The following CNTNAP2 variants were observed in gnomAD, a reference collection of about 807,000 sequenced individuals.
CNTNAP2 encodes the protein contactin associated protein 2.
Under a neutral mutation model 155.2 loss-of-function variants are expected in CNTNAP2, and 98 were observed. That is an observed-to-expected ratio of 0.63 (90% CI 0.54 to 0.75). The LOEUF (loss-of-function observed/expected upper bound fraction) is 0.75, where lower values mean the gene tolerates loss of function less well. Among genes scored for constraint, CNTNAP2 ranks in the 30% least tolerant of loss-of-function variants. CNTNAP2 has a pLI of 0.00. For missense variants in CNTNAP2, 1,727 were observed against 1,688.1 expected, an observed-to-expected ratio of 1.02 and a Z score of -0.40; for synonymous variants, 651 against 631.2, an observed-to-expected ratio of 1.03 and a Z score of -0.47.
intron 10 of CNTNAP2, among the ~76,000 whole-genome samples, chr7:147,438,229 T>C (rs1797583697): frequency 6.6e-6 from 1 of 152,108 alleles, no homozygotes; most frequent in South Asian, 2.1e-4. Flanking sequence ...CCCCATTCAA[T>C]ATGATGCTAG....
rs377297305 is a variant in CNTNAP2, at chr7:146,825,996, A to G, written c.209-13715A>G. Among the ~76,000 whole-genome samples the G allele has an allele frequency of 2.8e-4, 43 of 152,250 alleles. 1 individual carries two copies. Among genetic ancestry groups the G allele is most frequent in the African/African-American group, 1.0e-3 (43 of 41,560 alleles). ...GTTTAATAATAGATTTTGTTAATGCACAGATAATAAGTACATTTCTTTTTT... is the reference window on the plus strand; with the variant it reads ...GTTTAATAATAGATTTTGTTAATGCGCAGATAATAAGTACATTTCTTTTTT... On this transcript the variant is annotated intron_variant, in intron 2 of 23. Coordinates refer to ENST00000361727, the MANE Select transcript of CNTNAP2 (RefSeq NM_014141.6).
chr7:146,913,056 C>G (rs995917797), intron 3 of CNTNAP2, among the ~76,000 whole-genome samples: 3 of 152,022 alleles, frequency 2.0e-5, no homozygotes, highest in Non-Finnish European at 4.4e-5. Context: ...TTTCATAAGA[C>G]AAGTTTAAGT....
intron 1 of CNTNAP2, among the ~76,000 whole-genome samples, chr7:146,516,250 T>C (rs1170958510): frequency 6.6e-6 from 1 of 152,046 alleles, no homozygotes; most frequent in African/African-American, 2.4e-5. Flanking sequence ...AAGCACATGG[T>C]GCCAGATTGA....
chr7:146,163,500 T>C (rs547036579), intron 1 of CNTNAP2, among the ~76,000 whole-genome samples: 102 of 42,830 alleles, frequency 2.4e-3, no homozygotes, highest in Non-Finnish European at 3.7e-3. Context: ...TATCTATATC[T>C]ATATATCTAT....
At chr7:146,127,182 T>TA (rs1402893013) in intron 1 of CNTNAP2, among the ~76,000 whole-genome samples, 1 of 152,224 alleles carries the variant, frequency 6.6e-6, no homozygotes, top group Non-Finnish European at 1.5e-5. Context: ...TATACCTTGT[T>TA]ACATTTTGTC....
At chr7:146,249,762 G>A (rs1273579319) in intron 1 of CNTNAP2, among the ~76,000 whole-genome samples, 1 of 151,970 alleles carries the variant, frequency 6.6e-6, no homozygotes, top group Admixed American at 6.6e-5. Flanking sequence ...TTATTTCAAA[G>A]CCTTTTGAGA....
At chr7:147,505,701 C>T (rs1798894688) in intron 11 of CNTNAP2, among the ~76,000 whole-genome samples, 2 of 152,338 alleles carry the variant, frequency 1.3e-5, no homozygotes, top group African/African-American at 4.8e-5. Flanking sequence ...AACAAATGGC[C>T]TTAAACGCTG....
chr7:146,970,767 T>A (rs1042842116), intron 3 of CNTNAP2, among the ~76,000 whole-genome samples: 4 of 152,282 alleles, frequency 2.6e-5, no homozygotes, highest in African/African-American at 9.6e-5. Flanking sequence ...CACACGTATG[T>A]TTATTGCGGC....
chr7:147,851,113 A>G (rs1312240810), intron 13 of CNTNAP2, among the ~76,000 whole-genome samples: 5 of 152,250 alleles, frequency 3.3e-5, no homozygotes, highest in Admixed American at 1.3e-4. Context: ...TGGGCGAAGG[A>G]CATGAACAGA....
chr7:148,330,790 AATGG>A (rs138812754), intron 21 of CNTNAP2, among the ~76,000 whole-genome samples: 59 of 132,182 alleles, frequency 4.5e-4, no homozygotes, highest in Non-Finnish European at 7.7e-4. Context: ...TGATGGATGG[AATGG>A]ATGGATGGAT....
At chr7:147,314,407 A>AGAGTCTTGCT (rs1264327990) in intron 9 of CNTNAP2, among the ~76,000 whole-genome samples, 3 of 151,702 alleles carry the variant, frequency 2.0e-5, no homozygotes, top group Non-Finnish European at 3.0e-5. Context: ...TATCTCATTC[A>AGAGTCTTGCT]CTGAAGTTAA....
chr7:146,863,703 A>C (rs890146016), intron 3 of CNTNAP2, among the ~76,000 whole-genome samples: 13 of 152,130 alleles, frequency 8.5e-5, no homozygotes, highest in African/African-American at 3.1e-4. Flanking sequence ...AGAATCAAAG[A>C]AGCTTTTCTG....
chr7:148,334,883 CATG>C (rs1798091175), intron 21 of CNTNAP2, among the ~76,000 whole-genome samples: 2 of 152,318 alleles, frequency 1.3e-5, no homozygotes, highest in Admixed American at 1.3e-4. Flanking sequence ...AACCTACTTT[CATG>C]ATATCAAGAC....
chr7:147,446,626 C>T (rs1797745338), intron 10 of CNTNAP2, among the ~76,000 whole-genome samples: 2 of 152,106 alleles, frequency 1.3e-5, no homozygotes, highest in African/African-American at 4.8e-5. Flanking sequence ...ACAACTTTTC[C>T]CAAGAACACC....
chr7:147,808,755 T>C (rs1227998092), intron 13 of CNTNAP2, among the ~76,000 whole-genome samples: 1 of 152,232 alleles, frequency 6.6e-6, no homozygotes, highest in Non-Finnish European at 1.5e-5. Flanking sequence ...CTGACTTCTA[T>C]AAAGTCCTTA....
chr7:147,835,606 A>T (rs1442761857), intron 13 of CNTNAP2, among the ~76,000 whole-genome samples: 1 of 152,236 alleles, frequency 6.6e-6, no homozygotes, highest in African/African-American at 2.4e-5. Context: ...AATCAACATT[A>T]CTGTAGTGAC....
chr7:148,147,765 C>T, intron 17 of CNTNAP2, 56 bp downstream of exon 17: 9 of 1,257,862 alleles, frequency 7.2e-6, no homozygotes, highest in Non-Finnish European at 9.7e-6. Flanking sequence ...AGAGCCTGCA[C>T]AATACAAAAA....
At position 148,071,384 on chromosome 7, in the gene CNTNAP2, G is replaced by C. The variant is rs1803379076; in HGVS notation, c.2384-46734G>C. On this transcript the variant is annotated intron_variant, in intron 15 of 23. Coordinates refer to ENST00000361727, the MANE Select transcript of CNTNAP2 (RefSeq NM_014141.6). The stretch of plus-strand genomic sequence containing the variant: ...AATCCCAGCTACTCTGGAGGCTGAG[G>C]CAGGGGAATTGCTTGAACCAGGAGG... 5.3e-5 allele frequency among the ~76,000 whole-genome samples: 8 copies of C among 152,330 alleles called. No homozygotes were observed. In the South Asian group the frequency reaches 1.7e-3, roughly 32 times the overall value.
At chr7:147,603,691 T>A (rs1363979682) in intron 12 of CNTNAP2, among the ~76,000 whole-genome samples, 2 of 152,088 alleles carry the variant, frequency 1.3e-5, no homozygotes, top group Non-Finnish European at 2.9e-5. Flanking sequence ...AAGCTACCAA[T>A]GACTTTCTTC....
Sources: allele counts gnomAD v4.1 joint callset (sites outside exome capture counted in the v4.1 genomes callset), GRCh38; gene constraint gnomAD v4.1.1; transcripts MANE v1.5; gene names NCBI Gene and HGNC (gene_info 2026-07-23, HGNC 2026-07-21).